The following TNIK variants were observed in gnomAD, a reference collection of about 807,000 sequenced individuals.
TNIK encodes TRAF2 and NCK-interacting protein kinase.
In TNIK, 49 loss-of-function variants were observed where a neutral mutation model predicts 191.3. The ratio of observed to expected loss-of-function variants is 0.26; its 90% CI spans 0.20 to 0.32. The LOEUF is 0.32. TNIK is among the 10% of genes least tolerant of loss of function. The pLI, the probability that TNIK is intolerant of heterozygous loss-of-function variation, is 1.00. For synonymous variants in TNIK, 594 were observed against 600.9 expected (o/e 0.99, Z 0.17); for missense variants, 1,155 against 1,702.3 (o/e 0.68, Z 5.66).
chr3:171,060,959 AAAAAT>A lies in TNIK; in HGVS notation c.*2917_*2921del, dbSNP rs1717761831. 6.6e-6 allele frequency among the ~76,000 whole-genome samples: 1 copy of A among 152,170 alleles called. No homozygotes were observed. The highest frequency in any genetic ancestry group is 1.9e-4 in the East Asian group (1 of 5,202). On this transcript the variant is annotated 3_prime_UTR_variant, in exon 33 of 33. Coordinates refer to ENST00000436636, the MANE Select transcript of TNIK (RefSeq NM_015028.4). ...CTCCAGTTTCTCTTTGTAGGAAAAT[AAAAAT>A]AAAATGAGCCAATTTCTAGAGACAA...
At chr3:171,092,301 T>C (rs1377868034) in intron 23 of TNIK, among the ~76,000 whole-genome samples, 1 of 152,144 alleles carries the variant, frequency 6.6e-6, no homozygotes, top group Non-Finnish European at 1.5e-5. Context: ...TGGAGTGCTA[T>C]AAATAACATG....
intron 12 of TNIK, among the ~76,000 whole-genome samples, chr3:171,153,072 C>T (rs1172371361): frequency 6.6e-6 from 1 of 152,082 alleles, no homozygotes; most frequent in Non-Finnish European, 1.5e-5. Context: ...CTGCGCCCGG[C>T]CAAAACTATG....
intron 28 of TNIK, 199 bp from the exon 29 acceptor site, chr3:171,071,522 A>G (rs895456089): frequency 3.7e-6 from 2 of 539,516 alleles, no homozygotes; most frequent in African/African-American, 3.8e-5. Context: ...GGTTGGCAGA[A>G]TACTTATGGC....
At chr3:171,147,813 G>T (rs1731840070) in intron 12 of TNIK, among the ~76,000 whole-genome samples, 1 of 152,266 alleles carries the variant, frequency 6.6e-6, no homozygotes, top group South Asian at 2.1e-4. Context: ...CACTCGGTTG[G>T]TAAGTGCGAG....
chr3:171,403,591 G>A (rs1326678825), intron 1 of TNIK, among the ~76,000 whole-genome samples: 3 of 141,286 alleles, frequency 2.1e-5, no homozygotes, highest in Non-Finnish European at 4.5e-5. Flanking sequence ...TCCAACCTGG[G>A]CGACAGTGAG....
At chr3:171,201,721 T>C (rs886290219) in intron 4 of TNIK, among the ~76,000 whole-genome samples, 5 of 152,234 alleles carry the variant, frequency 3.3e-5, no homozygotes, top group Non-Finnish European at 5.9e-5. Flanking sequence ...TTTCAATCAA[T>C]TGAAGTAAAG....
At chr3:171,109,014 C>T (rs879693572) in intron 19 of TNIK, among the ~76,000 whole-genome samples, 15 of 152,096 alleles carry the variant, frequency 9.9e-5, no homozygotes, top group East Asian at 9.6e-4. Flanking sequence ...CCTTTTAATC[C>T]GGAAGAACGA....
At chr3:171,109,808 A>C (rs936469561) in intron 19 of TNIK, among the ~76,000 whole-genome samples, 1 of 152,226 alleles carries the variant, frequency 6.6e-6, no homozygotes, top group East Asian at 1.9e-4. Context: ...TGTTTTTCAT[A>C]GGCCTCCCCA....
intron 1 of TNIK, among the ~76,000 whole-genome samples, chr3:171,444,181 A>G (rs1727188632): frequency 6.6e-6 from 1 of 152,316 alleles, no homozygotes; most frequent in Non-Finnish European, 1.5e-5. Flanking sequence ...CAATATAAGC[A>G]ATGTGCTTAT....
At chr3:171,161,091 C>T (rs1733924322) in intron 11 of TNIK, among the ~76,000 whole-genome samples, 179 bp downstream of exon 11, 1 of 152,152 alleles carries the variant, frequency 6.6e-6, no homozygotes, top group African/African-American at 2.4e-5. Context: ...TCCACATTTT[C>T]GTAATGGTCT....
At chr3:171,404,189 C>T (rs1349373644) in intron 1 of TNIK, among the ~76,000 whole-genome samples, 1 of 152,016 alleles carries the variant, frequency 6.6e-6, no homozygotes. Flanking sequence ...GAATTTTGAC[C>T]ATGCAGTTCT....
chr3:171,413,038 T>C (rs1040167270), intron 1 of TNIK, among the ~76,000 whole-genome samples: 2 of 152,210 alleles, frequency 1.3e-5, no homozygotes, highest in South Asian at 4.1e-4. Flanking sequence ...ACTCCTCTTT[T>C]TAAACACGGA....
chr3:171,101,387 T>G, intron 22 of TNIK, 62 bp downstream of exon 22: 8 of 1,511,570 alleles, frequency 5.3e-6, no homozygotes, highest in Non-Finnish European at 7.1e-6. Flanking sequence ...CATATTTTTT[T>G]GTCCTTTTAT....
rs374416806 is a variant in TNIK, at chr3:171,161,234, T to C, written c.1016+36A>G. The C allele has an allele frequency of 3.6e-5, 57 of 1,597,032 alleles. No individual in the cohort carries two copies. The African/African-American group carries it at 7.4e-4, about 21-fold the overall frequency. On this transcript the variant is annotated intron_variant, in intron 11 of 32. Coordinates refer to ENST00000436636, the MANE Select transcript of TNIK (RefSeq NM_015028.4). ...AATTTCACACAAGCACAATTCAGAATGTGAACATTAGAAGACTTGGCTTTT... is the reference window on the plus strand; with the variant it reads ...AATTTCACACAAGCACAATTCAGAACGTGAACATTAGAAGACTTGGCTTTT...
intron 2 of TNIK, among the ~76,000 whole-genome samples, chr3:171,303,497 T>C (rs1033580770): frequency 3.3e-5 from 5 of 152,180 alleles, no homozygotes; most frequent in Non-Finnish European, 7.3e-5. Context: ...CCATCACACA[T>C]CCTTGTTTCA....
chr3:171,446,315 T>C (rs1727489810), intron 1 of TNIK, among the ~76,000 whole-genome samples: 2 of 152,246 alleles, frequency 1.3e-5, no homozygotes, highest in Admixed American at 6.5e-5. Flanking sequence ...TTGCAATTAC[T>C]GCTTACAACC....
At chr3:171,147,518 A>C (rs376298769) in intron 12 of TNIK, among the ~76,000 whole-genome samples, 12 of 152,324 alleles carry the variant, frequency 7.9e-5, no homozygotes, top group African/African-American at 2.6e-4. Context: ...CTTGTGACTA[A>C]AACTGGAGTT....
intron 1 of TNIK, among the ~76,000 whole-genome samples, chr3:171,408,900 G>GT (rs1202413735): frequency 6.6e-6 from 1 of 152,060 alleles, no homozygotes; most frequent in African/African-American, 2.4e-5. Context: ...GTGCCAATCG[G>GT]TACACCTCAC....
At chr3:171,398,772 TGACGTGTCATGTAACCATC>T (rs1255112854) in intron 1 of TNIK, among the ~76,000 whole-genome samples, 2 of 152,240 alleles carry the variant, frequency 1.3e-5, no homozygotes, top group Non-Finnish European at 2.9e-5. Context: ...ATGGTTCCTT[TGACGTGTCATGTAACCATC>T]GCAAGTCTGC....
Sources: gnomAD v4.1 joint callset for allele counts (sites outside exome capture counted in the v4.1 genomes callset) on GRCh38, gnomAD v4.1.1 for gene constraint, MANE v1.5 for transcripts, NCBI Gene and HGNC (gene_info 2026-07-23, HGNC 2026-07-21) for gene names.